Variants in ADAM12 observed in about 807,000 individuals in gnomAD.
ADAM12 encodes the protein ADAM metallopeptidase domain 12, also known as disintegrin and metalloproteinase domain-containing protein 12.
A neutral mutation model predicts 106.4 loss-of-function variants in ADAM12; 70 were observed. That is an observed-to-expected ratio of 0.66 (90% confidence interval 0.54 to 0.80). ADAM12 has a LOEUF of 0.80. Ranked by LOEUF, ADAM12 falls within the 30% of genes least tolerant of loss-of-function variation. The pLI, the probability that ADAM12 is intolerant of heterozygous loss-of-function variation, is 0.00. For missense variants in ADAM12, 1,010 were observed against 1,171.9 expected, an observed-to-expected ratio of 0.86 and a Z score of 2.02; for synonymous variants, 420 against 433.5, an observed-to-expected ratio of 0.97 and a Z score of 0.39.
At chr10:126,252,671 C>T (rs529105931) in intron 3 of ADAM12, among the ~76,000 whole-genome samples, 3 of 152,220 alleles carry the variant, frequency 2.0e-5, no homozygotes, top group South Asian at 4.2e-4. Context: ...CATTGGGTTA[C>T]GGGGGATCTT....
At chr10:126,220,334 T>C (rs1958066891) in intron 3 of ADAM12, among the ~76,000 whole-genome samples, 1 of 152,168 alleles carries the variant, frequency 6.6e-6, no homozygotes. Context: ...TGTGTATAGC[T>C]GGGAAACAGA....
chr10:126,259,563 A>G (rs1230172010), intron 3 of ADAM12, among the ~76,000 whole-genome samples: 2 of 152,240 alleles, frequency 1.3e-5, no homozygotes, highest in Non-Finnish European at 2.9e-5. Context: ...AAAATATTTT[A>G]CTATGGGAAA....
rs769946618 is a variant in ADAM12 at position 126,330,409 on chromosome 10, C to T, written c.186+3G>A. 8 of 1,610,224 alleles carry T rather than the reference C, an allele frequency of 5.0e-6. No homozygotes were observed. The highest frequency in any genetic ancestry group is 6.8e-6 in the Non-Finnish European group (8 of 1,178,674). On this transcript the variant is annotated splice_donor_region_variant and intron_variant, in intron 2 of 22. Coordinates refer to ENST00000448723, the MANE Select transcript of ADAM12 (RefSeq NM_001288973.2). ...CAAAGCTGAGAAAAGGAGAGGAACT[C>T]ACCTTGGAGTCGAAGCTCTTCACTG...
intron 1 of ADAM12, among the ~76,000 whole-genome samples, chr10:126,336,497 A>C (rs1339051801): frequency 6.6e-6 from 1 of 152,216 alleles, no homozygotes; most frequent in African/African-American, 2.4e-5. Context: ...TGTCACTGAC[A>C]AGGATTCCTA....
intron 10 of ADAM12, among the ~76,000 whole-genome samples, 156 bp downstream of exon 10, chr10:126,098,260 G>C (rs1030147056): frequency 6.6e-6 from 1 of 152,166 alleles, no homozygotes; most frequent in African/African-American, 2.4e-5. Flanking sequence ...AAAACACTGT[G>C]GGATATATAA....
At chr10:126,017,367 G>C in intron 22 of ADAM12, 28 bp from the exon 23 acceptor site, 1 of 1,547,342 alleles carries the variant, frequency 6.5e-7, no homozygotes, top group Non-Finnish European at 8.8e-7. Context: ...AAAAAAAAAT[G>C]ATCAGAGACC....
intron 21 of ADAM12, among the ~76,000 whole-genome samples, chr10:126,035,170 CAAT>C (rs1185646172): frequency 6.6e-6 from 1 of 151,588 alleles, no homozygotes; most frequent in Non-Finnish European, 1.5e-5. Context: ...GTGAGAAAGA[CAAT>C]AACAATGTGG....
chr10:126,077,521 G>A (rs1187343804), intron 11 of ADAM12, among the ~76,000 whole-genome samples: 2 of 152,136 alleles, frequency 1.3e-5, no homozygotes, highest in African/African-American at 4.8e-5. Context: ...AACCAAAACA[G>A]CATGGTAGTG....
chr10:126,324,479 G>A (rs535356313), intron 2 of ADAM12, among the ~76,000 whole-genome samples: 1 of 152,332 alleles, frequency 6.6e-6, no homozygotes, highest in African/African-American at 2.4e-5. Flanking sequence ...AAGAAGCCTG[G>A]CTTTGAATTC....
chr10:126,351,956 T>C (rs1855377570), intron 1 of ADAM12, among the ~76,000 whole-genome samples: 1 of 152,100 alleles, frequency 6.6e-6, no homozygotes, highest in African/African-American at 2.4e-5. Flanking sequence ...CCCTCTGCTT[T>C]AGACAAAGAC....
intron 14 of ADAM12, among the ~76,000 whole-genome samples, chr10:126,051,508 T>TCCAGCCAGCCAG (rs1301345163): frequency 3.5e-4 from 46 of 133,236 alleles, no homozygotes; most frequent in Admixed American, 1.5e-3. Context: ...CACCCGTCCA[T>TCCAGCCAGCCAG]CCATCCATCC....
intron 2 of ADAM12, among the ~76,000 whole-genome samples, chr10:126,296,594 G>A (rs988698015): frequency 1.3e-5 from 2 of 152,042 alleles, no homozygotes; most frequent in Non-Finnish European, 1.5e-5. Flanking sequence ...TCTATATTCT[G>A]CTCTGGAAGC....
intron 3 of ADAM12, 114 bp downstream of exon 3, chr10:126,278,801 C>T (rs968974262): frequency 8.4e-6 from 6 of 710,532 alleles, no homozygotes; most frequent in Non-Finnish European, 1.1e-5. Context: ...ATTTGGATTA[C>T]AAATCCATGC....
chr10:126,290,704 T>A (rs181952971), intron 2 of ADAM12, among the ~76,000 whole-genome samples: 1 of 152,236 alleles, frequency 6.6e-6, no homozygotes, highest in East Asian at 1.9e-4. Flanking sequence ...GCTTCAAAAA[T>A]TTTTCAAAAA....
At chr10:126,114,471 C>T (rs1404622111) in intron 6 of ADAM12, among the ~76,000 whole-genome samples, 5 of 152,034 alleles carry the variant, frequency 3.3e-5, no homozygotes, top group Admixed American at 1.3e-4. Flanking sequence ...CCCCACCAAG[C>T]GGTTCTTTTG....
chr10:126,218,665 A>G (rs540905235), intron 3 of ADAM12, among the ~76,000 whole-genome samples: 18 of 152,254 alleles, frequency 1.2e-4, no homozygotes, highest in African/African-American at 4.3e-4. Context: ...GGCCTCACAC[A>G]CCCATCCCAC....
intron 21 of ADAM12, among the ~76,000 whole-genome samples, chr10:126,030,567 T>A (rs1953954644): frequency 1.3e-5 from 2 of 152,216 alleles, no homozygotes; most frequent in South Asian, 4.1e-4. Flanking sequence ...GTAATTTTCA[T>A]GTTTATAGTA....
At chr10:126,240,383 T>G (rs574889897) in intron 3 of ADAM12, among the ~76,000 whole-genome samples, 18 of 152,250 alleles carry the variant, frequency 1.2e-4, no homozygotes, top group African/African-American at 3.6e-4. Context: ...CAGCTGGGCC[T>G]TGGAGACAAA....
rs1439359261 is a variant in ADAM12, at chr10:126,014,600, G to C, written c.*2679C>G. The C allele has an allele frequency of 4.6e-5, 7 of 152,178 alleles. No individual in the cohort carries two copies. In the East Asian group the frequency reaches 1.4e-3, roughly 29 times the overall value. 9.4% of individuals were successfully genotyped at this position (152,178 alleles called of 1,614,324 possible). A position where few individuals can be genotyped will look rare whatever the true frequency, so the allele number is the denominator to read the frequency against. ...ATGTTAGGCTTCGTTTCCCTCGGTT[G>C]CTACACATCTGATTACATGTGTCAG... On this transcript the variant is annotated 3_prime_UTR_variant, in exon 23 of 23. Coordinates refer to ENST00000448723, the MANE Select transcript of ADAM12 (RefSeq NM_001288973.2).
Sources: gnomAD v4.1 joint callset for allele counts (sites outside exome capture counted in the v4.1 genomes callset) on GRCh38, gnomAD v4.1.1 for gene constraint, MANE v1.5 for transcripts, NCBI Gene and HGNC (gene_info 2026-07-23, HGNC 2026-07-21) for gene names.